Variants in ADCY9 observed in about 807,000 individuals in gnomAD.
The protein encoded by ADCY9 is adenylate cyclase type 9.
A neutral mutation model predicts 101.5 loss-of-function variants in ADCY9; 50 were observed. That is an observed-to-expected ratio of 0.49 (90% CI 0.39 to 0.62). ADCY9 has a LOEUF of 0.62. Ranked by LOEUF, ADCY9 falls within the 20% of genes least tolerant of loss-of-function variation. The pLI is 0.00. For missense variants in ADCY9, 1,662 were observed against 1,800.4 expected (o/e 0.92, Z 1.39); for synonymous variants, 905 against 769.3 (o/e 1.18, Z -2.92).
At chr16:4,085,968 A>C (rs1229075260) in intron 2 of ADCY9, among the ~76,000 whole-genome samples, 4 of 151,890 alleles carry the variant, frequency 2.6e-5, no homozygotes, top group East Asian at 1.9e-4. Flanking sequence ...TTAAAAAAAA[A>C]ACAACACTCG....
intron 2 of ADCY9, among the ~76,000 whole-genome samples, chr16:4,064,718 A>G (rs1295439659): frequency 1.3e-5 from 2 of 152,054 alleles, no homozygotes; most frequent in Non-Finnish European, 1.5e-5. Flanking sequence ...GACTCAAGCA[A>G]TCCTCCCACC....
intron 2 of ADCY9, among the ~76,000 whole-genome samples, chr16:4,078,481 T>C (rs2056881510): frequency 6.7e-6 from 1 of 148,190 alleles, no homozygotes; most frequent in South Asian, 2.1e-4. Context: ...GAAGATCACC[T>C]AAGCCTAGGA....
intron 8 of ADCY9, among the ~76,000 whole-genome samples, chr16:3,978,644 G>A (rs1291015200): frequency 6.6e-6 from 1 of 152,278 alleles, no homozygotes; most frequent in Non-Finnish European, 1.5e-5. Flanking sequence ...GCAGGCCAAT[G>A]CTAAGTCGGC....
chr16:3,982,622 A>T (rs1273044505), intron 7 of ADCY9: 1 of 152,306 alleles, frequency 6.6e-6, no homozygotes, highest in Non-Finnish European at 1.5e-5. Context: ...TCTTTTTATT[A>T]TCAGGCTATG....
chr16:3,984,394 C>T (rs1282307584), intron 6 of ADCY9, among the ~76,000 whole-genome samples: 1 of 152,186 alleles, frequency 6.6e-6, no homozygotes, highest in South Asian at 2.1e-4. Context: ...GAGGCACACA[C>T]TAGTGTTCGG....
intron 2 of ADCY9, among the ~76,000 whole-genome samples, chr16:4,054,597 C>A (rs185476400): frequency 0.014 from 2,154 of 150,508 alleles, 19 homozygotes; most frequent in Non-Finnish European, 0.02. Context: ...TTGAGACGGA[C>A]TCTCGCTCTG....
intron 2 of ADCY9, among the ~76,000 whole-genome samples, chr16:4,009,253 GTTT>G (rs1306871496): frequency 4.3e-4 from 1 of 2,314 alleles, no homozygotes; most frequent in Middle Eastern, 0.25. Context: ...AACTCTTCAT[GTTT>G]TGTTTTGTTT....
chr16:4,083,765 C>G (rs1480182692), intron 2 of ADCY9, among the ~76,000 whole-genome samples: 1 of 152,204 alleles, frequency 6.6e-6, no homozygotes, highest in Non-Finnish European at 1.5e-5. Flanking sequence ...TGAAGGGCCA[C>G]ATATGATGTG....
At chr16:4,059,972 G>C (rs986416291) in intron 2 of ADCY9, among the ~76,000 whole-genome samples, 1 of 152,176 alleles carries the variant, frequency 6.6e-6, no homozygotes, top group Non-Finnish European at 1.5e-5. Context: ...GTGATGCTTT[G>C]GCTTGAGGGG....
chr16:3,969,609 T>TATATATATATACAC (rs1321798408), intron 10 of ADCY9, among the ~76,000 whole-genome samples: 1 of 94,938 alleles, frequency 1.1e-5, no homozygotes, highest in Non-Finnish European at 1.9e-5. Flanking sequence ...TATATATATA[T>TATATATATATACAC]GTATTTTTTT....
At chr16:4,055,876 A>G (rs894586997) in intron 2 of ADCY9, among the ~76,000 whole-genome samples, 3 of 152,120 alleles carry the variant, frequency 2.0e-5, no homozygotes, top group African/African-American at 7.2e-5. Flanking sequence ...TCCCCAGCAG[A>G]ACAAAGGTGC....
chr16:4,066,179 T>C (rs898497589), intron 2 of ADCY9, among the ~76,000 whole-genome samples: 1 of 152,252 alleles, frequency 6.6e-6, no homozygotes, highest in African/African-American at 2.4e-5. Context: ...CATCTCATTA[T>C]GAAAATCCCC....
Position 4,114,564 on chromosome 16 carries a change from G to A in ADCY9, c.879C>T (p.Ala293=). 1 of 1,614,102 alleles carries A rather than the reference G, an allele frequency of 6.2e-7. No homozygotes were observed. Among genetic ancestry groups the A allele is most frequent in the Non-Finnish European group, 8.5e-7 (1 of 1,180,046 alleles). ...SRGLLHGCIH[A]IGVHLFVMSQ... is the part of the protein sequence containing the mutation. The stretch of plus-strand genomic sequence containing the variant: ...ACATGACGAACAGGTGGACCCCGAT[G>A]GCGTGGATGCAGCCGTGGAGCAGCC... The change falls in exon 2 of 11, where the codon GCC becomes GCT. Residue 293 remains alanine (A), a synonymous_variant. Transcript: ENST00000294016. This position sits in a 1 kb window ranked among gnomAD's most constrained non-coding sequence, Gnocchi z 4.3.
chr16:3,969,390 G>A (rs2056027403), intron 10 of ADCY9, among the ~76,000 whole-genome samples: 1 of 150,010 alleles, frequency 6.7e-6, no homozygotes, highest in Non-Finnish European at 1.5e-5. Flanking sequence ...TGCGCCACCA[G>A]GCCCAGCTAA....
intron 10 of ADCY9, among the ~76,000 whole-genome samples, chr16:3,969,427 C>T (rs1241868246): frequency 3.4e-5 from 5 of 146,692 alleles, no homozygotes; most frequent in Admixed American, 6.8e-5. Flanking sequence ...TTGGTAGAAA[C>T]GGGGTTTCAC....
downstream of ADCY9, among the ~76,000 whole-genome samples, chr16:3,959,045 A>G (rs1022344137): frequency 2.0e-5 from 3 of 151,904 alleles, no homozygotes; most frequent in Non-Finnish European, 4.4e-5. Context: ...TGCATGCGTT[A>G]GGGTTGACGT....
At chr16:3,956,039 A>T (rs1272625593) in intron 5 of ADCY9, among the ~76,000 whole-genome samples, 1 of 151,600 alleles carries the variant, frequency 6.6e-6, no homozygotes, top group African/African-American at 2.4e-5. Context: ...ATTTTGAAAA[A>T]TTTTTCGTAG....
chr16:4,038,270 G>T (rs577691276), intron 2 of ADCY9, among the ~76,000 whole-genome samples: 2 of 144,290 alleles, frequency 1.4e-5, no homozygotes, highest in East Asian at 4.0e-4. Context: ...GACAGAGTAC[G>T]ATTCTGTCTC....
intron 10 of ADCY9, among the ~76,000 whole-genome samples, chr16:3,971,886 C>T (rs996387359): frequency 3.3e-5 from 5 of 152,118 alleles, no homozygotes; most frequent in South Asian, 4.2e-4. Context: ...CTGCGGGAGC[C>T]GGAGCCAGCA....
Sources: gnomAD v4.1 joint callset for allele counts (sites outside exome capture counted in the v4.1 genomes callset) on GRCh38, gnomAD v4.1.1 for gene constraint, Gnocchi (gnomAD v3.1) non-coding constraint, MANE v1.5 for transcripts, NCBI Gene and HGNC (gene_info 2026-07-23, HGNC 2026-07-21) for gene names.